DENND4A: variants seen among roughly 807,000 people sequenced by gnomAD.
The protein encoded by DENND4A is DENN domain containing 4A.
Under a neutral mutation model 199.3 loss-of-function variants are expected in DENND4A, and 70 were observed. The observed-to-expected ratio is 0.35, with a 90% CI of 0.29 to 0.43. The LOEUF (loss-of-function observed/expected upper bound fraction) is 0.43. Among genes scored for constraint, DENND4A ranks in the 20% least tolerant of loss-of-function variants. DENND4A has a pLI of 1.00. For synonymous variants in DENND4A, 686 were observed against 766.9 expected (o/e 0.89, Z 1.74); for missense variants, 1,723 against 2,255.8 (o/e 0.76, Z 4.78).
At chr15:65,773,647 T>C (rs569640074) in intron 1 of DENND4A, among the ~76,000 whole-genome samples, 2 of 152,316 alleles carry the variant, frequency 1.3e-5, no homozygotes, top group South Asian at 4.1e-4. Flanking sequence ...TATTTGAATA[T>C]ACCTCAATAA....
chr15:65,722,992 T>C, intron 11 of DENND4A, 44 bp from the exon 12 acceptor site: 1 of 1,482,022 alleles, frequency 6.7e-7, no homozygotes, highest in Non-Finnish European at 9.2e-7. Context: ...ACATGGTCTT[T>C]TGGAGGGGAA....
At chr15:65,663,176 G>A (rs922473845) in intron 32 of DENND4A, among the ~76,000 whole-genome samples, 79 of 128,692 alleles carry the variant, frequency 6.1e-4, no homozygotes, top group African/African-American at 2.2e-3. Flanking sequence ...GTGTGTGTGT[G>A]TATATATATA....
chr15:65,722,835 G>C lies in DENND4A; in HGVS notation c.1588+13C>G. Reference sequence around the variant, plus strand: ...AGATTAAATTACCTCCTTTAATTAAGTTATCCACTTACATTTTGCCAATTG... The same window carrying C: ...AGATTAAATTACCTCCTTTAATTAACTTATCCACTTACATTTTGCCAATTG... On this transcript the variant is annotated intron_variant, in intron 12 of 32. Transcript: ENST00000443035. 1 of 1,570,370 alleles carries C rather than the reference G, an allele frequency of 6.4e-7. No homozygotes were observed. The highest frequency in any genetic ancestry group is 1.8e-5 in the Admixed American group (1 of 54,276).
chr15:65,667,052 C>G (rs559635487), intron 29 of DENND4A, among the ~76,000 whole-genome samples: 1 of 152,292 alleles, frequency 6.6e-6, no homozygotes, highest in East Asian at 1.9e-4. Flanking sequence ...TTAGCATAGG[C>G]TGGGCACGGT....
At chr15:65,757,533 T>C (rs1023922448) in intron 2 of DENND4A, among the ~76,000 whole-genome samples, 6 of 152,118 alleles carry the variant, frequency 3.9e-5, no homozygotes, top group Non-Finnish European at 5.9e-5. Flanking sequence ...ACCTATCCAC[T>C]GACACAGGGA....
intron 4 of DENND4A, among the ~76,000 whole-genome samples, chr15:65,745,797 A>G (rs2076371350): frequency 6.6e-6 from 1 of 152,148 alleles, no homozygotes; most frequent in Non-Finnish European, 1.5e-5. Context: ...GAAATGCAGT[A>G]TAAGTTACGG....
intron 1 of DENND4A, among the ~76,000 whole-genome samples, chr15:65,789,662 G>C (rs1416623701): frequency 6.6e-6 from 1 of 152,144 alleles, no homozygotes; most frequent in Non-Finnish European, 1.5e-5. Context: ...AGCAACTTTT[G>C]TTTTCCACCT....
intron 3 of DENND4A, among the ~76,000 whole-genome samples, chr15:65,755,135 T>G (rs937992238): frequency 6.6e-6 from 1 of 152,158 alleles, no homozygotes; most frequent in African/African-American, 2.4e-5. Context: ...TGCTAAGAAG[T>G]CAGTCAAAAA....
In DENND4A at chr15:65,732,817, G is replaced by C; in HGVS notation, c.1042C>G (p.His348Asp). The change falls in exon 8 of 33, where the codon CAT becomes GAT. Residue 348 changes from histidine (H) to aspartate (D), a missense_variant and splice_region_variant. Coordinates refer to ENST00000443035, the MANE Select transcript of DENND4A (RefSeq NM_001320835.1). Reference sequence around the variant, plus strand: ...ACTTTATGCATAAAATGAGAAATATGCCTTGAAAACAAACAAAAGTGTAAG... The same window carrying C: ...ACTTTATGCATAAAATGAGAAATATCCCTTGAAAACAAACAAAAGTGTAAG... The part of the protein sequence containing the change: ...SGPHVLPIEK[H>D]ISHFMHKVPF... The C allele has an allele frequency of 6.3e-7, 1 of 1,581,580 alleles. No homozygotes were observed. Among genetic ancestry groups the C allele is most frequent in the Non-Finnish European group, 8.7e-7 (1 of 1,152,858 alleles).
chr15:65,668,694 G>A (rs544824104), intron 27 of DENND4A, among the ~76,000 whole-genome samples: 50 of 152,114 alleles, frequency 3.3e-4, no homozygotes, highest in Admixed American at 2.6e-4. Context: ...GATGGCAGGC[G>A]CCTGTAATCC....
At chr15:65,725,692 A>ATAT (rs1555426773) in intron 11 of DENND4A, among the ~76,000 whole-genome samples, 1 of 147,472 alleles carries the variant, frequency 6.8e-6, no homozygotes, top group Non-Finnish European at 1.5e-5. Context: ...ATAAAAATAA[A>ATAT]AAAAATAAAA....
chr15:65,729,203 G>A lies in DENND4A; in HGVS notation c.1356C>T (p.Cys452=), dbSNP rs1358578633. 3.1e-6 allele frequency: 5 copies of A among 1,587,704 alleles called. No homozygotes were observed. The African/African-American group carries it at 4.0e-5, about 13-fold the overall frequency. The part of the protein sequence containing the change: ...FHWPCPYVPL[C]PLALADVLSA... The stretch of plus-strand genomic sequence containing the variant: ...TCAAGACATCTGCTAAAGCCAGTGG[G>A]CAGAGAGGAACATACGGGCATGGCC... The change falls in exon 11 of 33, where the codon TGC becomes TGT. Residue 452 remains cysteine (C), a synonymous_variant. Coordinates refer to ENST00000443035, the MANE Select transcript of DENND4A (RefSeq NM_001320835.1).
chr15:65,734,884 C>T (rs2076067791), intron 7 of DENND4A, among the ~76,000 whole-genome samples: 1 of 152,064 alleles, frequency 6.6e-6, no homozygotes, highest in Admixed American at 6.5e-5. Flanking sequence ...GAGTTCAAGA[C>T]CAGCCTAGGC....
intron 12 of DENND4A, among the ~76,000 whole-genome samples, chr15:65,719,815 A>G (rs2075553211): frequency 6.6e-6 from 1 of 151,828 alleles, no homozygotes; most frequent in Admixed American, 6.6e-5. Context: ...GGATCACTTG[A>G]GCCTGGGAGC....
At chr15:65,791,649 CGACT>C (rs2077728097) in intron 1 of DENND4A, among the ~76,000 whole-genome samples, 1 of 152,142 alleles carries the variant, frequency 6.6e-6, no homozygotes, top group Non-Finnish European at 1.5e-5. Context: ...AAGCCACCTC[CGACT>C]TACGTAACGG....
intron 12 of DENND4A, among the ~76,000 whole-genome samples, chr15:65,718,673 A>C (rs1402670916): frequency 1.4e-5 from 2 of 145,526 alleles, no homozygotes; most frequent in Non-Finnish European, 3.0e-5. Flanking sequence ...TCAAGTGATT[A>C]TGGTGAGATT....
chr15:65,668,712 T>G (rs1008625716), intron 27 of DENND4A, among the ~76,000 whole-genome samples: 1 of 151,844 alleles, frequency 6.6e-6, no homozygotes, highest in African/African-American at 2.4e-5. Context: ...TCCCAGCTAC[T>G]TGGGAGGCTG....
intron 14 of DENND4A, among the ~76,000 whole-genome samples, chr15:65,709,742 A>ATAT: frequency 7.1e-6 from 1 of 140,078 alleles, no homozygotes; most frequent in Admixed American, 7.3e-5. Context: ...ATATATATAT[A>ATAT]ATCTCGTGAC....
intron 1 of DENND4A, among the ~76,000 whole-genome samples, chr15:65,780,934 T>C (rs2077420890): frequency 6.6e-6 from 1 of 152,230 alleles, no homozygotes; most frequent in Non-Finnish European, 1.5e-5. Context: ...CTGAGTGCCA[T>C]GTCTGGTCTG....
Sources: allele counts gnomAD v4.1 joint callset (sites outside exome capture counted in the v4.1 genomes callset), GRCh38; gene constraint gnomAD v4.1.1; transcripts MANE v1.5; gene names NCBI Gene and HGNC (gene_info 2026-07-23, HGNC 2026-07-21).